The following ERCC2 variants were observed in gnomAD, a reference collection of about 807,000 sequenced individuals.
ERCC2 encodes ERCC excision repair 2, TFIIH core complex helicase subunit.
In ERCC2, 90 loss-of-function variants were observed where a neutral mutation model predicts 99.4. The observed-to-expected ratio is 0.91, with a 90% confidence interval of 0.76 to 1.08. The LOEUF (loss-of-function observed/expected upper bound fraction) is 1.08, where lower values mean the gene tolerates loss of function less well. ERCC2 is among the 50% of genes least tolerant of loss of function. The pLI is 0.00. For missense variants in ERCC2, 993 were observed against 1,038.1 expected, an observed-to-expected ratio of 0.96 and a Z score of 0.60; for synonymous variants, 497 against 432.4, an observed-to-expected ratio of 1.15 and a Z score of -1.85.
chr19:45,357,741 A>G (rs1167299614), intron 12 of ERCC2, 42 bp from the exon 13 acceptor site: 8 of 1,549,322 alleles, frequency 5.2e-6, no homozygotes, highest in Non-Finnish European at 7.1e-6. Context: ...ACCCCACTAC[A>G]GCCACAGCTG....
chr19:45,358,546 G>T, intron 12 of ERCC2: 1 of 402,452 alleles, frequency 2.5e-6, no homozygotes, highest in South Asian at 2.7e-5. Flanking sequence ...GCCTCCCATG[G>T]CCCCCACATG....
Position 45,363,998 on chromosome 19 carries a change from C to G in ERCC2, c.937G>C (p.Glu313Gln), listed in dbSNP as rs780129241. 6.5e-7 allele frequency: 1 copy of G among 1,543,376 alleles called. No individual in the cohort carries two copies. The change falls in exon 10 of 23, where the codon GAA (glutamate) becomes CAA (glutamine). Residue 313 changes from glutamate (E) to glutamine (Q), a missense_variant. This residue lies in a region of ERCC2 where 909 missense variants were observed against 930.8 expected (regional missense o/e 0.98). Coordinates refer to ENST00000391945, the MANE Select transcript of ERCC2 (RefSeq NM_000400.4). ...GGTCGGGGCTCACCCTGCAGCACTT[C>G]GTCGGGCAGCACGGGGTTGGCCAGG... is the stretch of plus-strand genomic sequence containing the variant. ...AHLANPVLPDEVLQEAVPGSI... is the reference protein window; with the variant it reads ...AHLANPVLPDQVLQEAVPGSI...
Position 45,353,470 on chromosome 19 carries a change from G to GGAATTGTCCAACCTC in ERCC2, c.1666-151_1666-137dup, listed in dbSNP as rs1167873095. 3 of 692,166 alleles carry GGAATTGTCCAACCTC rather than the reference G, an allele frequency of 4.3e-6. No individual in the cohort carries two copies. In the African/African-American group the frequency reaches 5.3e-5, roughly 12 times the overall value. 42.9% of individuals were successfully genotyped at this position (692,166 alleles called of 1,614,324 possible). A position where few individuals can be genotyped will look rare whatever the true frequency, so the allele number is the denominator to read the frequency against. On this transcript the variant is annotated intron_variant, in intron 17 of 22. Transcript: ENST00000391945. ...CATCTGAGATGTGGTGAGGGAGGGTGGAATTGTCCAACCTCAGTTCTTTGG... is the reference window on the plus strand; with the variant it reads ...CATCTGAGATGTGGTGAGGGAGGGTGGAATTGTCCAACCTCGAATTGTCCAACCTCAGTTCTTTGG...
Position 45,355,735 on chromosome 19 carries a change from A to G in ERCC2, c.1480-7T>C, listed in dbSNP as rs1971989835. The G allele has an allele frequency of 6.2e-7, 1 of 1,613,436 alleles. No homozygotes were observed. The highest frequency in any genetic ancestry group is 1.3e-5 in the African/African-American group (1 of 74,718). On this transcript the variant is annotated splice_polypyrimidine_tract_variant and splice_region_variant and intron_variant, in intron 15 of 22. Transcript: ENST00000391945. ...CATTGCCACGGCCGATGATCTGGAG[A>G]GCAACAGAGGTCACGATAAGCGAGG...
At chr19:45,368,120 C>T (rs1220082912) in intron 5 of ERCC2, among the ~76,000 whole-genome samples, 1 of 152,024 alleles carries the variant, frequency 6.6e-6, no homozygotes, top group African/African-American at 2.4e-5. Flanking sequence ...ATGATCTGCC[C>T]ACCTCAGACT....
chr19:45,350,263 A>C lies in ERCC2; in HGVS notation c.*1366T>G. Reference sequence around the variant, plus strand: ...ATACCAAGACCCCTGTCTCTACAAAAAAAAAAAAAAAGGCGGGACTGGATG... The same window carrying C: ...ATACCAAGACCCCTGTCTCTACAAACAAAAAAAAAAAGGCGGGACTGGATG... On this transcript the variant is annotated 3_prime_UTR_variant, in exon 23 of 23. Transcript: ENST00000391945. The C allele has an allele frequency of 1.8e-6, 2 of 1,097,462 alleles. No individual in the cohort carries two copies. Among genetic ancestry groups the C allele is most frequent in the Non-Finnish European group, 2.6e-6 (2 of 764,972 alleles). The allele number at this position is 1,097,462 out of a possible 1,614,324, so 68.0% of individuals were successfully genotyped here. A position where few individuals can be genotyped will look rare whatever the true frequency, so the allele number is the denominator to read the frequency against.
intron 12 of ERCC2, chr19:45,359,041 T>C (rs1450428641): frequency 3.2e-6 from 2 of 619,840 alleles, no homozygotes; most frequent in Non-Finnish European, 5.8e-6. Flanking sequence ...TCGCATGGGT[T>C]CGCAGTCCAG....
chr19:45,365,117 G>T lies in ERCC2; in HGVS notation c.402C>A (p.Cys134Ter). The T allele has an allele frequency of 1.9e-6, 3 of 1,614,164 alleles. No individual in the cohort carries two copies. Among genetic ancestry groups the T allele is most frequent in the Non-Finnish European group, 2.5e-6 (3 of 1,180,010 alleles). ...LRFGKDVDGK[C>*]HSLTASYVRA... is the part of the protein sequence containing the mutation. ...GCACATAGGAGGCTGTGAGGCTGTG[G>T]CATTTCCCATCGACGTCCTTCCCAA... The change falls in exon 6 of 23, where the codon TGC becomes TGA. Residue 134 changes from cysteine to a stop codon, truncating the protein, a stop_gained. Transcript: ENST00000391945. LOFTEE classifies it high-confidence loss of function.
At chr19:45,366,983 C>T (rs915156483) in intron 5 of ERCC2, among the ~76,000 whole-genome samples, 1 of 151,996 alleles carries the variant, frequency 6.6e-6, no homozygotes, top group Non-Finnish European at 1.5e-5. Context: ...TGTGGTGAAC[C>T]GAGATCACGC....
At chr19:45,367,972 AC>A in intron 5 of ERCC2, among the ~76,000 whole-genome samples, 1 of 150,690 alleles carries the variant, frequency 6.6e-6, no homozygotes, top group Admixed American at 6.7e-5. Context: ...ACCTCAGCTC[AC>A]TGCAACCTCT....
In ERCC2 at chr19:45,353,109, C is replaced by T. The variant is rs771824813; in HGVS notation, c.1805G>A (p.Gly602Asp). Residue 602 changes from glycine to aspartate, a missense_variant, in exon 19 of 23, where the codon GGC (glycine) becomes GAC (aspartate). Physicochemically the swap from Gly to Asp is moderately conservative, Grantham distance 94. This residue lies in a region of ERCC2 where 909 missense variants were observed against 930.8 expected (regional missense o/e 0.98). Coordinates refer to ENST00000391945, the MANE Select transcript of ERCC2 (RefSeq NM_000400.4). ...AAAGTCGATTCCCTCGGACACTTTG[C>T]CCCGGGCCACTGACAGCAGGATGGC... ...RGAILLSVAR[G>D]KVSEGIDFVH... The T allele has an allele frequency of 6.2e-7, 1 of 1,613,370 alleles. No homozygotes were observed. Among genetic ancestry groups the T allele is most frequent in the Non-Finnish European group, 8.5e-7 (1 of 1,179,808 alleles).
chr19:45,365,972 G>A (rs906471956), intron 5 of ERCC2, among the ~76,000 whole-genome samples: 10 of 151,906 alleles, frequency 6.6e-5, no homozygotes, highest in East Asian at 2.0e-4. Context: ...GAGTAGCTGC[G>A]GCCACAGGTG....
At chr19:45,367,368 T>C (rs10421181) in intron 5 of ERCC2, among the ~76,000 whole-genome samples, 2,320 of 83,276 alleles carry the variant, frequency 0.028, 55 homozygotes, top group African/African-American at 0.13. Flanking sequence ...TATATATATA[T>C]ACACACACAC....
chr19:45,352,402 G>C (rs1301199920), intron 21 of ERCC2, 50 bp from the exon 22 acceptor site: 1 of 1,613,712 alleles, frequency 6.2e-7, no homozygotes, highest in East Asian at 2.2e-5. Context: ...GGGGAGCCTG[G>C]GCCACTCTCC....
chr19:45,351,178 A>G lies in ERCC2; in HGVS notation c.*451T>C, dbSNP rs1034201519. 5 of 1,585,446 alleles carry G rather than the reference A, an allele frequency of 3.2e-6. No individual in the cohort carries two copies. The highest frequency in any genetic ancestry group is 2.2e-5 in the East Asian group (1 of 44,644). On this transcript the variant is annotated 3_prime_UTR_variant, in exon 23 of 23. Coordinates refer to ENST00000391945, the MANE Select transcript of ERCC2 (RefSeq NM_000400.4). ...CAAAGATGGGTTTTACTTGGGGTAG[A>G]GGCGAGGGGGTTGGATAGTTGGCTG...
Position 45,351,014 on chromosome 19 carries a change from T to TCCCCC in ERCC2, c.*614_*615insGGGGG, listed in dbSNP as rs766282378. 1 of 1,614,022 alleles carries TCCCCC rather than the reference T, an allele frequency of 6.2e-7. No homozygotes were observed. The highest frequency in any genetic ancestry group is 1.1e-5 in the South Asian group (1 of 91,072). On this transcript the variant is annotated 3_prime_UTR_variant, in exon 23 of 23. Transcript: ENST00000391945. The stretch of plus-strand genomic sequence containing the variant: ...TGGATGCTCCAAGGGCTCCTGGGAC[T>TCCCCC]CAGGTGAGGGGGACATCTGGGTCAA...
Position 45,351,681 on chromosome 19 carries a change from A to C in ERCC2, c.2231T>G (p.Leu744Arg), listed in dbSNP as rs201370106. 28 of 1,613,838 alleles carry C rather than the reference A, an allele frequency of 1.7e-5. No individual in the cohort carries two copies. The highest frequency in any genetic ancestry group is 2.4e-5 in the Non-Finnish European group (28 of 1,180,002). ...CCTCTTCAGCGTCTCCTCTGATTCT[A>C]GCTGCTCCAGGCTGAGCAGGGACAG... is the stretch of plus-strand genomic sequence containing the variant. ...LGLSLLSLEQ[L>R]ESEETLKRIE... is the part of the protein sequence containing the mutation. Residue 744 changes from leucine (L) to arginine (R), a missense_variant, in exon 23 of 23, where the codon CTA becomes CGA. Physicochemically the swap from Leu to Arg is moderately radical, Grantham distance 102. Around this residue, in one of 3 missense-constraint regions of ERCC2, gnomAD observed 909 missense variants for 930.8 expected, o/e 0.98. Transcript: ENST00000391945.
chr19:45,350,872 C>T lies in ERCC2; in HGVS notation c.*757G>A. The T allele has an allele frequency of 7.2e-7, 1 of 1,398,464 alleles. No homozygotes were observed. The highest frequency in any genetic ancestry group is 9.8e-7 in the Non-Finnish European group (1 of 1,022,176). The allele number at this position is 1,398,464 out of a possible 1,614,324, so 86.6% of individuals were successfully genotyped here. A position where few individuals can be genotyped will look rare whatever the true frequency, so the allele number is the denominator to read the frequency against. Reference sequence around the variant, plus strand: ...CATCTCCCCTGTGATACACACAGATCAAACCCTGTGCTGGAAAGGTCCCTC... The same window carrying T: ...CATCTCCCCTGTGATACACACAGATTAAACCCTGTGCTGGAAAGGTCCCTC... On this transcript the variant is annotated 3_prime_UTR_variant, in exon 23 of 23. Coordinates refer to ENST00000391945, the MANE Select transcript of ERCC2 (RefSeq NM_000400.4).
rs933645681 is a variant in ERCC2, at chr19:45,364,270, C to T, written c.780G>A (p.Gln260=). Residue 260 remains glutamine, a synonymous_variant, in exon 9 of 23, where the codon CAG becomes CAA. Coordinates refer to ENST00000391945, the MANE Select transcript of ERCC2 (RefSeq NM_000400.4). ...NLTRRTLDRC[Q]GNLETLQKTV... ...TCTTCTGCAGGGTCTCCAGGTTGCC[C>T]TGGCACCGGTCAAGGGTCCGGCGGG... is the stretch of plus-strand genomic sequence containing the variant. 6.2e-7 allele frequency: 1 copy of T among 1,614,006 alleles called. No homozygotes were observed. The highest frequency in any genetic ancestry group is 8.5e-7 in the Non-Finnish European group (1 of 1,179,988).
Sources: gnomAD v4.1 joint callset for allele counts (sites outside exome capture counted in the v4.1 genomes callset) on GRCh38, gnomAD v4.1.1 for gene constraint, gnomAD v4.1.1 regional missense constraint, MANE v1.5 for transcripts, NCBI Gene and HGNC (gene_info 2026-07-23, HGNC 2026-07-21) for gene names.